The following TYR variants were observed in gnomAD, a reference collection of about 807,000 sequenced individuals.
TYR encodes LB24-AB.
In TYR, 58 loss-of-function variants were observed where a neutral mutation model predicts 51.5. The ratio of observed to expected loss-of-function variants is 1.13; its 90% CI spans 0.91 to 1.40. The LOEUF is 1.40. Among genes scored for constraint, TYR ranks in the 40% most tolerant of loss-of-function variants. The probability of loss-of-function intolerance (pLI) is 0.00; values close to 1 mark genes in which losing one functional copy is unlikely to be tolerated. For missense variants in TYR, 732 were observed against 647.4 expected (o/e 1.13, Z -1.42); for synonymous variants, 263 against 235.2 (o/e 1.12, Z -1.08).
chr11:89,191,940 A>T (rs1943451291), intron 2 of TYR: 1 of 386,596 alleles, frequency 2.6e-6, no homozygotes, highest in Non-Finnish European at 5.0e-6. Flanking sequence ...GTGGAATTTC[A>T]GATATAAGTC....
intron 1 of TYR, among the ~76,000 whole-genome samples, chr11:89,179,365 A>G (rs1370490675): frequency 6.6e-6 from 1 of 152,188 alleles, no homozygotes; most frequent in African/African-American, 2.4e-5. Flanking sequence ...TGAAAGTATG[A>G]AGATCCTGAG....
chr11:89,279,686 C>T (rs1299707009), intron 3 of TYR, among the ~76,000 whole-genome samples: 2 of 151,636 alleles, frequency 1.3e-5, no homozygotes, highest in African/African-American at 4.8e-5. Context: ...GAGCAATTAT[C>T]ACACCTCTAT....
chr11:89,265,765 T>C (rs762338755), intron 3 of TYR, among the ~76,000 whole-genome samples: 2 of 152,036 alleles, frequency 1.3e-5, no homozygotes, highest in Non-Finnish European at 2.9e-5. Flanking sequence ...AAAAATAAAA[T>C]AATCCATTTT....
chr11:89,227,435 A>C (rs1049671119), intron 2 of TYR, among the ~76,000 whole-genome samples: 2 of 152,216 alleles, frequency 1.3e-5, no homozygotes, highest in Non-Finnish European at 2.9e-5. Context: ...AAGGGGACAC[A>C]TAACAGGCTG....
intron 1 of TYR, among the ~76,000 whole-genome samples, chr11:89,188,201 T>C (rs767929584): frequency 5.3e-5 from 8 of 151,806 alleles, no homozygotes; most frequent in Non-Finnish European, 1.2e-4. Flanking sequence ...TTAAAAATGT[T>C]TAAGTCAATG....
intron 3 of TYR, among the ~76,000 whole-genome samples, chr11:89,266,770 T>G (rs1944530655): frequency 6.6e-6 from 1 of 151,978 alleles, no homozygotes; most frequent in Non-Finnish European, 1.5e-5. Context: ...TTTTCTCATT[T>G]TCTGAAGCAG....
At chr11:89,229,170 C>A (rs998593824) in intron 3 of TYR, among the ~76,000 whole-genome samples, 1 of 152,062 alleles carries the variant, frequency 6.6e-6, no homozygotes, top group African/African-American at 2.4e-5. Context: ...AGAAAGTGAC[C>A]ATTATCCAGG....
chr11:89,229,137 G>A (rs1186784872), intron 3 of TYR, among the ~76,000 whole-genome samples: 1 of 151,952 alleles, frequency 6.6e-6, no homozygotes, highest in Non-Finnish European at 1.5e-5. Context: ...ATGTCCACAG[G>A]AACATGGACA....
chr11:89,204,320 T>G (rs928198930), intron 2 of TYR, among the ~76,000 whole-genome samples: 1 of 152,094 alleles, frequency 6.6e-6, no homozygotes, highest in Non-Finnish European at 1.5e-5. Flanking sequence ...AACTTGGACT[T>G]CTATTGCTAC....
chr11:89,181,715 C>T (rs1484211405), intron 1 of TYR, among the ~76,000 whole-genome samples: 3 of 151,520 alleles, frequency 2.0e-5, no homozygotes, highest in Admixed American at 6.6e-5. Context: ...GTAACCTGTG[C>T]ATTTTATTAA....
At chr11:89,233,373 A>G (rs566037769) in intron 3 of TYR, among the ~76,000 whole-genome samples, 1 of 140,246 alleles carries the variant, frequency 7.1e-6, no homozygotes, top group Non-Finnish European at 1.5e-5. Flanking sequence ...TGATCCCCTC[A>G]AAGTCATCTA....
intron 3 of TYR, among the ~76,000 whole-genome samples, chr11:89,277,345 T>C (rs1396342308): frequency 1.3e-5 from 2 of 151,808 alleles, no homozygotes; most frequent in East Asian, 3.9e-4. Flanking sequence ...GCTGGAGGCA[T>C]CGCAAGCTGC....
chr11:89,187,563 G>A (rs1943390878), intron 1 of TYR, among the ~76,000 whole-genome samples: 2 of 152,162 alleles, frequency 1.3e-5, no homozygotes, highest in East Asian at 1.9e-4. Flanking sequence ...TGGGTAGCCA[G>A]GAAATGGAAT....
At chr11:89,188,536 C>G (rs779358904) in intron 1 of TYR, among the ~76,000 whole-genome samples, 2 of 151,944 alleles carry the variant, frequency 1.3e-5, no homozygotes, top group African/African-American at 2.4e-5. Flanking sequence ...TCTGATTTGC[C>G]AATTGTTGTG....
chr11:89,185,827 A>T (rs1943364893), intron 1 of TYR, among the ~76,000 whole-genome samples: 1 of 152,310 alleles, frequency 6.6e-6, no homozygotes, highest in East Asian at 1.9e-4. Context: ...AAAATAAAAA[A>T]ATATATTTAT....
chr11:89,186,592 G>A (rs1281584850), intron 1 of TYR, among the ~76,000 whole-genome samples: 1 of 152,132 alleles, frequency 6.6e-6, no homozygotes, highest in Non-Finnish European at 1.5e-5. Context: ...GAGGTGTGAG[G>A]TTGGGTGTTG....
chr11:89,191,200 A>G lies in TYR; in HGVS notation c.820-2A>G, dbSNP rs1304451467. 3 of 1,613,350 alleles carry G rather than the reference A, an allele frequency of 1.9e-6. No homozygotes were observed. Among genetic ancestry groups the G allele is most frequent in the Non-Finnish European group, 2.5e-6 (3 of 1,179,548 alleles). ...TGTTTAACATGAGGGTGTTTTGTAC[A>G]GATTGTCTGTAGCCGATTGGAGGAG... On this transcript the variant is annotated splice_acceptor_variant, in intron 1 of 4. Coordinates refer to ENST00000263321, the MANE Select transcript of TYR (RefSeq NM_000372.5). LOFTEE classifies it high-confidence loss of function.
chr11:89,194,380 C>T (rs568470701), intron 2 of TYR, among the ~76,000 whole-genome samples: 1 of 152,298 alleles, frequency 6.6e-6, no homozygotes, highest in East Asian at 1.9e-4. Context: ...GGAGGCACAT[C>T]ATGACCATCT....
In TYR at chr11:89,202,315, A is replaced by C. The variant is rs147733623; in HGVS notation, c.1036+10897A>C. Among the ~76,000 whole-genome samples the C allele has an allele frequency of 4.2e-3, 634 of 152,192 alleles. 5 individuals are homozygous for C. Among genetic ancestry groups the C allele is most frequent in the African/African-American group, 0.015 (608 of 41,534 alleles). ...TGGGTGCATCCTGAGGGCCCTCAAC[A>C]GAATGAGGTCCACACACAACCTTCT... On this transcript the variant is annotated intron_variant, in intron 2 of 4. Coordinates refer to ENST00000263321, the MANE Select transcript of TYR (RefSeq NM_000372.5).
Sources: gnomAD v4.1 joint callset for allele counts (sites outside exome capture counted in the v4.1 genomes callset) on GRCh38, gnomAD v4.1.1 for gene constraint, MANE v1.5 for transcripts, NCBI Gene and HGNC (gene_info 2026-07-23, HGNC 2026-07-21) for gene names.